Variants in KCND2 observed in about 807,000 individuals in gnomAD.
KCND2 encodes the protein A-type voltage-gated potassium channel KCND2.
KCND2 carries 16 observed loss-of-function variants against 54.4 expected under a neutral mutation model. The observed-to-expected ratio is 0.29, with a 90% CI of 0.20 to 0.45. The LOEUF (loss-of-function observed/expected upper bound fraction) is 0.45. Ranked by LOEUF, KCND2 falls within the 20% of genes least tolerant of loss-of-function variation. The pLI is 1.00. For missense variants in KCND2, 486 were observed against 824.2 expected (o/e 0.59, Z 5.02); for synonymous variants, 317 against 310.7 (o/e 1.02, Z -0.21).
At chr7:120,669,805 G>T (rs1314441261) in intron 1 of KCND2, among the ~76,000 whole-genome samples, 3 of 152,040 alleles carry the variant, frequency 2.0e-5, no homozygotes, top group Non-Finnish European at 4.4e-5. Context: ...TGCCATAGTA[G>T]CCAATGGGAT....
chr7:120,662,065 C>T (rs1791872175), intron 1 of KCND2, among the ~76,000 whole-genome samples: 1 of 152,044 alleles, frequency 6.6e-6, no homozygotes, highest in Non-Finnish European at 1.5e-5. Context: ...TCTTCATTTC[C>T]TTATGAGGGC....
At chr7:120,355,692 G>A (rs1800492965) in intron 1 of KCND2, among the ~76,000 whole-genome samples, 1 of 152,142 alleles carries the variant, frequency 6.6e-6, no homozygotes, top group Non-Finnish European at 1.5e-5. Context: ...TTTGAAGTAC[G>A]CTTTCCCCTG....
At chr7:120,678,775 T>C (rs558975089) in intron 1 of KCND2, among the ~76,000 whole-genome samples, 5,194 of 111,352 alleles carry the variant, frequency 0.047, 267 homozygotes, top group African/African-American at 0.13. Context: ...TATATATATA[T>C]ATACACATAA....
At chr7:120,658,526 T>A (rs1432093955) in intron 1 of KCND2, among the ~76,000 whole-genome samples, 1 of 152,182 alleles carries the variant, frequency 6.6e-6, no homozygotes, top group Admixed American at 6.5e-5. Flanking sequence ...TCAATATTAT[T>A]CTCCCTTCAT....
chr7:120,380,632 C>A (rs1370115068), intron 1 of KCND2, among the ~76,000 whole-genome samples: 1 of 151,920 alleles, frequency 6.6e-6, no homozygotes, highest in African/African-American at 2.4e-5. Context: ...TATAGTTTAG[C>A]ATTTTATTGC....
chr7:120,449,277 C>T (rs367815857), intron 1 of KCND2, among the ~76,000 whole-genome samples: 9 of 149,836 alleles, frequency 6.0e-5, no homozygotes, highest in South Asian at 2.1e-4. Flanking sequence ...TTCAGTGAGC[C>T]GAGATCACGC....
intron 1 of KCND2, among the ~76,000 whole-genome samples, chr7:120,499,585 C>G (rs1802902276): frequency 6.6e-6 from 1 of 152,038 alleles, no homozygotes; most frequent in South Asian, 2.1e-4. Context: ...GGAACTTTTA[C>G]TCATATTTTC....
chr7:120,449,780 A>G (rs1336321257), intron 1 of KCND2, among the ~76,000 whole-genome samples: 2 of 152,250 alleles, frequency 1.3e-5, no homozygotes, highest in Non-Finnish European at 2.9e-5. Context: ...TACCTATGAC[A>G]TCAAAGTACA....
At position 120,733,082 on chromosome 7, in the gene KCND2, G is replaced by T. The variant is rs374091534; in HGVS notation, c.1278+17G>T. Reference sequence around the variant, plus strand: ...GCACAAAAGGTGCGTATTCAACTCCGTGCAACCATGGTTTAGCACTTCCCA... The same window carrying T: ...GCACAAAAGGTGCGTATTCAACTCCTTGCAACCATGGTTTAGCACTTCCCA... On this transcript the variant is annotated intron_variant, in intron 2 of 5. Transcript: ENST00000331113. 1 of 1,612,836 alleles carries T rather than the reference G, an allele frequency of 6.2e-7. No individual in the cohort carries two copies. The highest frequency in any genetic ancestry group is 8.5e-7 in the Non-Finnish European group (1 of 1,179,144).
chr7:120,655,210 GTAAA>G (rs1562900051), intron 1 of KCND2, among the ~76,000 whole-genome samples: 1 of 151,904 alleles, frequency 6.6e-6, no homozygotes, highest in African/African-American at 2.4e-5. Flanking sequence ...CCCCCAGGAA[GTAAA>G]TAAACTTCAA....
chr7:120,646,560 T>C (rs1037011647), intron 1 of KCND2, among the ~76,000 whole-genome samples: 1 of 152,248 alleles, frequency 6.6e-6, no homozygotes, highest in Non-Finnish European at 1.5e-5. Flanking sequence ...GGTTTTTGCC[T>C]ATGGCAACAT....
At chr7:120,698,540 T>C (rs900893154) in intron 1 of KCND2, among the ~76,000 whole-genome samples, 2 of 152,224 alleles carry the variant, frequency 1.3e-5, no homozygotes, top group African/African-American at 4.8e-5. Context: ...TGTCAGTCAG[T>C]TTCAGCTATT....
intron 1 of KCND2, among the ~76,000 whole-genome samples, chr7:120,371,682 T>G (rs2116000804): frequency 6.6e-6 from 1 of 152,166 alleles, no homozygotes; most frequent in Non-Finnish European, 1.5e-5. Context: ...ACTTTGTCTT[T>G]TATGCTTTAT....
chr7:120,663,508 A>T (rs555369695), intron 1 of KCND2, among the ~76,000 whole-genome samples: 10 of 152,318 alleles, frequency 6.6e-5, no homozygotes, highest in African/African-American at 2.4e-4. Context: ...AAATTACTAA[A>T]TTATTTAATT....
At chr7:120,629,546 A>G (rs532904892) in intron 1 of KCND2, among the ~76,000 whole-genome samples, 4 of 152,320 alleles carry the variant, frequency 2.6e-5, no homozygotes, top group African/African-American at 9.6e-5. Context: ...GTTGTAAGCC[A>G]TGCGAGGAAC....
chr7:120,442,831 G>T (rs1301638664), intron 1 of KCND2, among the ~76,000 whole-genome samples: 1 of 151,988 alleles, frequency 6.6e-6, no homozygotes, highest in Non-Finnish European at 1.5e-5. Context: ...CAAACAGGAA[G>T]GAACAATTAG....
At chr7:120,571,170 A>T (rs1031830010) in intron 1 of KCND2, among the ~76,000 whole-genome samples, 3 of 152,186 alleles carry the variant, frequency 2.0e-5, no homozygotes, top group Non-Finnish European at 2.9e-5. Context: ...TACAGACTAC[A>T]TGTCCCCAGA....
intron 1 of KCND2, among the ~76,000 whole-genome samples, chr7:120,543,364 T>C (rs1792005402): frequency 6.6e-6 from 1 of 151,888 alleles, no homozygotes; most frequent in African/African-American, 2.4e-5. Flanking sequence ...GCGTGTCGAT[T>C]TTCCAATTAG....
At chr7:120,665,843 T>G (rs1467065716) in intron 1 of KCND2, among the ~76,000 whole-genome samples, 1 of 152,058 alleles carries the variant, frequency 6.6e-6, no homozygotes, top group East Asian at 1.9e-4. Flanking sequence ...GGGAAGTAAT[T>G]CATAAACATG....
Sources: allele counts gnomAD v4.1 joint callset (sites outside exome capture counted in the v4.1 genomes callset), GRCh38; gene constraint gnomAD v4.1.1; transcripts MANE v1.5; gene names NCBI Gene and HGNC (gene_info 2026-07-23, HGNC 2026-07-21).